Variants in PRKAG2 observed in about 807,000 individuals in gnomAD.
PRKAG2 encodes the protein protein kinase AMP-activated non-catalytic subunit gamma 2.
PRKAG2 carries 26 observed loss-of-function variants against 69.6 expected under a neutral mutation model. The observed-to-expected ratio is 0.37, with a 90% CI of 0.27 to 0.52. PRKAG2 has a LOEUF of 0.52. PRKAG2 is among the 20% of genes least tolerant of loss of function. The probability of loss-of-function intolerance (pLI) is 0.90; values close to 1 mark genes in which losing one functional copy is unlikely to be tolerated. For missense variants in PRKAG2, 557 were observed against 740.0 expected (o/e 0.75, Z 2.87); for synonymous variants, 293 against 285.0 (o/e 1.03, Z -0.28).
rs1036189291 is a variant in PRKAG2, at chr7:151,559,573, G to T, written c.1678+951C>A. The T allele has an allele frequency of 8.1e-6, 8 of 985,014 alleles. No individual in the cohort carries two copies. In the African/African-American group the frequency reaches 1.4e-4, roughly 17 times the overall value. The allele number at this position is 985,014 out of a possible 1,614,324, so 61.0% of individuals were successfully genotyped here. A position where few individuals can be genotyped will look rare whatever the true frequency, so the allele number is the denominator to read the frequency against. ...CACTGCTGTACTGGAATTTCTCTTG[G>T]TGTTCTCATTTAGCGAATAAGACAT... On this transcript the variant is annotated intron_variant, in intron 15 of 15. Coordinates refer to ENST00000287878, the MANE Select transcript of PRKAG2 (RefSeq NM_016203.4).
intron 6 of PRKAG2, among the ~76,000 whole-genome samples, chr7:151,580,577 C>T (rs1810167259): frequency 6.6e-6 from 1 of 152,102 alleles, no homozygotes; most frequent in African/African-American, 2.4e-5. Context: ...CTTTTGTATA[C>T]ATTTTTTGCA....
At chr7:151,652,532 T>C in intron 4 of PRKAG2, among the ~76,000 whole-genome samples, 1 of 152,248 alleles carries the variant, frequency 6.6e-6, no homozygotes, top group East Asian at 1.9e-4. Context: ...TTTTCTTTTC[T>C]TGTTTTGCTA....
At chr7:151,570,652 T>C (rs916158153) in intron 9 of PRKAG2, among the ~76,000 whole-genome samples, 7 of 152,244 alleles carry the variant, frequency 4.6e-5, no homozygotes, top group African/African-American at 1.7e-4. Flanking sequence ...TCTTTAAATA[T>C]TTTTAAGTAT....
intron 4 of PRKAG2, among the ~76,000 whole-genome samples, chr7:151,670,702 T>C (rs557005484): frequency 6.6e-6 from 1 of 152,330 alleles, no homozygotes; most frequent in East Asian, 1.9e-4. Flanking sequence ...TTAGTAGATA[T>C]TCACTGACAC....
chr7:151,570,727 G>GT (rs150454569), intron 9 of PRKAG2, among the ~76,000 whole-genome samples: 287 of 152,068 alleles, frequency 1.9e-3, no homozygotes, highest in Non-Finnish European at 3.0e-3. Flanking sequence ...CATAAAAACT[G>GT]TTTTTTTCTG....
chr7:151,574,334 T>A (rs954577077), intron 8 of PRKAG2, among the ~76,000 whole-genome samples: 3 of 152,158 alleles, frequency 2.0e-5, no homozygotes, highest in Non-Finnish European at 4.4e-5. Context: ...CAAAAGTGGT[T>A]TTTAAGCTAC....
chr7:151,849,536 G>A (rs1028733206), intron 1 of PRKAG2, among the ~76,000 whole-genome samples: 29 of 152,302 alleles, frequency 1.9e-4, no homozygotes, highest in African/African-American at 7.0e-4. Flanking sequence ...CACACACGGG[G>A]TCTTAGAACA....
rs730880972 is a variant in PRKAG2, at chr7:151,675,590, G to C, written c.514C>G (p.Gln172Glu). The change falls in exon 4 of 16, where the codon CAG becomes GAG. Residue 172 changes from glutamine to glutamate, a missense_variant. Coordinates refer to ENST00000287878, the MANE Select transcript of PRKAG2 (RefSeq NM_016203.4). ...TAGGATTCCAGGGGAAACGTGTGCT[G>C]CTTGGTCACTTGGGTGGGTGTTGAC... ...SPSTPTQVTK[Q>E]HTFPLESYKH... 1.6e-5 allele frequency: 26 copies of C among 1,614,048 alleles called. No individual in the cohort carries two copies. The African/African-American group carries it at 2.7e-4, about 17-fold the overall frequency.
chr7:151,844,974 C>T (rs574207557), intron 1 of PRKAG2, among the ~76,000 whole-genome samples: 9 of 152,110 alleles, frequency 5.9e-5, no homozygotes, highest in Non-Finnish European at 8.8e-5. Context: ...CGTCACAGCT[C>T]CTCTTCTCGG....
In PRKAG2 at chr7:151,814,794, T is replaced by C; in HGVS notation, c.115-28253A>G. ...TTGCTGCTCAAAATGCAGGCAGAGC[T>C]CGGGCAGATTCCCCCATTGACGGGA... On this transcript the variant is annotated intron_variant, in intron 1 of 15. Coordinates refer to ENST00000287878, the MANE Select transcript of PRKAG2 (RefSeq NM_016203.4). The surrounding 1 kb of genome is among the most constrained non-coding windows in gnomAD (Gnocchi z 4.8). 8.1e-7 allele frequency: 1 copy of C among 1,231,778 alleles called. No individual in the cohort carries two copies. The highest frequency in any genetic ancestry group is 1.0e-6 in the Non-Finnish European group (1 of 988,000). 76.3% of individuals were successfully genotyped at this position (1,231,778 alleles called of 1,614,324 possible). A position where few individuals can be genotyped will look rare whatever the true frequency, so the allele number is the denominator to read the frequency against.
intron 3 of PRKAG2, among the ~76,000 whole-genome samples, chr7:151,684,970 T>C (rs1376262833): frequency 2.0e-5 from 3 of 152,106 alleles, no homozygotes; most frequent in Admixed American, 6.5e-5. Context: ...CGTCAGTTCA[T>C]TGAACAGCGC....
At chr7:151,797,307 C>T (rs976841923) in intron 1 of PRKAG2, among the ~76,000 whole-genome samples, 1 of 143,390 alleles carries the variant, frequency 7.0e-6, no homozygotes, top group Non-Finnish European at 1.5e-5. Context: ...TGAAGACAAA[C>T]TGCAGGAGGG....
intron 3 of PRKAG2, among the ~76,000 whole-genome samples, chr7:151,755,743 C>T (rs1407474553): frequency 6.6e-6 from 1 of 152,150 alleles, no homozygotes; most frequent in African/African-American, 2.4e-5. Flanking sequence ...TTACAGGAAA[C>T]ATTTGTCAAC....
At chr7:151,643,218 T>A (rs1482787977) in intron 4 of PRKAG2, among the ~76,000 whole-genome samples, 1 of 152,224 alleles carries the variant, frequency 6.6e-6, no homozygotes, top group Non-Finnish European at 1.5e-5. Context: ...TAGTATTGTC[T>A]TATAATACAT....
At chr7:151,840,657 G>A (rs1307343320) in intron 1 of PRKAG2, among the ~76,000 whole-genome samples, 1 of 152,174 alleles carries the variant, frequency 6.6e-6, no homozygotes, top group Non-Finnish European at 1.5e-5. Flanking sequence ...CTCCCAAGAT[G>A]GAAGTTCACT....
At chr7:151,773,043 G>A (rs6956770) in intron 3 of PRKAG2, among the ~76,000 whole-genome samples, 2,223 of 34,356 alleles carry the variant, frequency 0.065, 157 homozygotes, top group East Asian at 0.29. Context: ...GAGAGAGAGA[G>A]AGAGAGAGAG....
At chr7:151,596,974 G>C (rs1362438597) in intron 5 of PRKAG2, among the ~76,000 whole-genome samples, 1 of 151,638 alleles carries the variant, frequency 6.6e-6, no homozygotes, top group Non-Finnish European at 1.5e-5. Context: ...ATAGCCAAAA[G>C]AATTTTGAGC....
At position 151,567,824 on chromosome 7, in the gene PRKAG2, C is replaced by CCT. The variant is rs1236995940; in HGVS notation, c.1233+890_1233+891dup. 6.6e-6 allele frequency among the ~76,000 whole-genome samples: 1 copy of CCT among 152,182 alleles called. No homozygotes were observed. The highest frequency in any genetic ancestry group is 2.4e-5 in the African/African-American group (1 of 41,440). On this transcript the variant is annotated intron_variant, in intron 11 of 15. Transcript: ENST00000287878. The surrounding 1 kb of genome is among the most constrained non-coding windows in gnomAD (Gnocchi z 4.2). ...TGTGCTTCTGTCAGCAAAAGGGGTC[C>CCT]CTCAAGCTGCCTCCAGGGCAGGAGC... is the stretch of plus-strand genomic sequence containing the variant.
intron 5 of PRKAG2, among the ~76,000 whole-genome samples, chr7:151,622,530 G>C (rs1821787392): frequency 6.6e-6 from 1 of 152,152 alleles, no homozygotes; most frequent in African/African-American, 2.4e-5. Context: ...GACTACTCAA[G>C]GTACTCCCAG....
Sources: allele counts gnomAD v4.1 joint callset (sites outside exome capture counted in the v4.1 genomes callset), GRCh38; gene constraint gnomAD v4.1.1; non-coding constraint Gnocchi (gnomAD v3.1); transcripts MANE v1.5; gene names NCBI Gene and HGNC (gene_info 2026-07-23, HGNC 2026-07-21).